Variants in PTPRO observed in about 807,000 individuals in gnomAD.
The protein encoded by PTPRO is protein tyrosine phosphatase receptor type O, also known as receptor-type tyrosine-protein phosphatase O.
In PTPRO, 62 loss-of-function variants were observed where a neutral mutation model predicts 145.2. That is an observed-to-expected ratio of 0.43 (90% CI 0.35 to 0.53). The LOEUF is 0.53. PTPRO is among the 20% of genes least tolerant of loss of function. PTPRO has a pLI of 0.01. For synonymous variants in PTPRO, 565 were observed against 514.7 expected (o/e 1.10, Z -1.32); for missense variants, 1,345 against 1,482.7 (o/e 0.91, Z 1.53).
chr12:15,455,513 T>C (rs544682437), intron 1 of PTPRO, among the ~76,000 whole-genome samples: 11 of 152,314 alleles, frequency 7.2e-5, no homozygotes, highest in African/African-American at 2.4e-4. Context: ...CAATTGTTTG[T>C]GTCTTTTTCT....
intron 15 of PTPRO, among the ~76,000 whole-genome samples, chr12:15,557,041 T>C (rs1009021899): frequency 2.4e-4 from 36 of 151,538 alleles, no homozygotes; most frequent in African/African-American, 8.4e-4. Flanking sequence ...TGTTTTTTTT[T>C]TTTTTCTTTT....
chr12:15,378,195 A>G (rs1938744361), intron 1 of PTPRO, among the ~76,000 whole-genome samples: 1 of 152,026 alleles, frequency 6.6e-6, no homozygotes, highest in African/African-American at 2.4e-5. Context: ...AGAAAAATCA[A>G]AGAAACCAAA....
chr12:15,447,064 A>G lies in PTPRO; in HGVS notation c.76-36910A>G, dbSNP rs560431005. 1.7e-4 allele frequency among the ~76,000 whole-genome samples: 26 copies of G among 152,284 alleles called. No individual in the cohort carries two copies. The South Asian group carries it at 5.2e-3, about 30-fold the overall frequency. On this transcript the variant is annotated intron_variant, in intron 1 of 26. Transcript: ENST00000281171. ...TGGTGTTTTGCTTACAGAAGCCTAC[A>G]TTCAGCATATGAATCATCTAGCCCT...
At chr12:15,419,450 T>A (rs1023153666) in intron 1 of PTPRO, among the ~76,000 whole-genome samples, 43 of 151,428 alleles carry the variant, frequency 2.8e-4, no homozygotes, top group Non-Finnish European at 3.2e-4. Flanking sequence ...GGGAAAAAAA[T>A]TTCATTACGC....
intron 2 of PTPRO, among the ~76,000 whole-genome samples, chr12:15,486,604 A>G (rs955470051): frequency 6.6e-6 from 1 of 152,138 alleles, no homozygotes; most frequent in African/African-American, 2.4e-5. Context: ...TGCTTTTTAA[A>G]AAGGTGAAAT....
At chr12:15,441,238 T>A (rs61908022) in intron 1 of PTPRO, among the ~76,000 whole-genome samples, 1,834 of 152,246 alleles carry the variant, frequency 0.012, 13 homozygotes, top group African/African-American at 0.028. Flanking sequence ...AAGTAAATAA[T>A]TTGATCCTGA....
intron 1 of PTPRO, among the ~76,000 whole-genome samples, chr12:15,448,338 G>GAAAAAAAAAA (rs1565635275): frequency 5.2e-4 from 2 of 3,862 alleles, no homozygotes; most frequent in Non-Finnish European, 3.6e-3. Flanking sequence ...CCTGTTCCTA[G>GAAAAAAAAAA]TAAAAAAAAA....
intron 1 of PTPRO, among the ~76,000 whole-genome samples, chr12:15,473,503 T>C (rs560248699): frequency 1.3e-5 from 2 of 152,284 alleles, no homozygotes; most frequent in Admixed American, 6.5e-5. Flanking sequence ...GAGTGGCTCA[T>C]GCCTGTAATC....
chr12:15,587,574 C>T (rs530971940), intron 24 of PTPRO, among the ~76,000 whole-genome samples: 1 of 152,146 alleles, frequency 6.6e-6, no homozygotes, highest in African/African-American at 2.4e-5. Flanking sequence ...GATTCCTCTT[C>T]GGGATTGTCT....
chr12:15,524,735 A>G, intron 10 of PTPRO, 79 bp from the exon 11 acceptor site: 2 of 1,462,540 alleles, frequency 1.4e-6, no homozygotes, highest in Admixed American at 1.7e-5. Flanking sequence ...TTGACTCTAT[A>G]TGGGATTTCA....
chr12:15,587,134 T>C, intron 24 of PTPRO, 83 bp downstream of exon 24: 3 of 1,468,362 alleles, frequency 2.0e-6, no homozygotes, highest in South Asian at 2.4e-5. Flanking sequence ...TAAGCCCTTA[T>C]CAGGTTTAGT....
intron 1 of PTPRO, among the ~76,000 whole-genome samples, chr12:15,394,511 G>T (rs1939282630): frequency 6.6e-6 from 1 of 152,054 alleles, no homozygotes; most frequent in South Asian, 2.1e-4. Context: ...AGAGTTCATT[G>T]TCATATGCCC....
At chr12:15,446,652 T>C (rs568305962) in intron 1 of PTPRO, among the ~76,000 whole-genome samples, 1 of 151,852 alleles carries the variant, frequency 6.6e-6, no homozygotes, top group South Asian at 2.1e-4. Context: ...TTTTAACATA[T>C]AGTAAGCAAG....
Position 15,402,716 on chromosome 12 carries a change from T to C in PTPRO, c.75+79915T>C, listed in dbSNP as rs558403647. 9.2e-5 allele frequency among the ~76,000 whole-genome samples: 14 copies of C among 152,320 alleles called. No individual in the cohort carries two copies. In the South Asian group the frequency reaches 2.9e-3, roughly 32 times the overall value. ...TGTTGTCATTTGCCTTTATGTTTGT[T>C]ATTTCACTGACACCAAGCAGTACTA... is the stretch of plus-strand genomic sequence containing the variant. On this transcript the variant is annotated intron_variant, in intron 1 of 26. Transcript: ENST00000281171.
chr12:15,388,379 C>T (rs1451664602), intron 1 of PTPRO, among the ~76,000 whole-genome samples: 1 of 152,110 alleles, frequency 6.6e-6, no homozygotes, highest in Non-Finnish European at 1.5e-5. Flanking sequence ...CTGTACAATT[C>T]TGTTTTTTTA....
At chr12:15,533,208 T>C (rs1026167537) in intron 12 of PTPRO, among the ~76,000 whole-genome samples, 9 of 152,212 alleles carry the variant, frequency 5.9e-5, no homozygotes, top group African/African-American at 2.2e-4. Flanking sequence ...AAAATTTATT[T>C]AAACTTTACA....
intron 1 of PTPRO, among the ~76,000 whole-genome samples, chr12:15,330,433 A>G (rs1866575504): frequency 6.6e-6 from 1 of 152,120 alleles, no homozygotes. Flanking sequence ...TACTCTCGAG[A>G]TCAACTGTGC....
chr12:15,391,256 CA>C (rs1939182769), intron 1 of PTPRO, among the ~76,000 whole-genome samples: 1 of 152,192 alleles, frequency 6.6e-6, no homozygotes. Context: ...TCATTTAAGT[CA>C]CAATCTCTGA....
intron 1 of PTPRO, among the ~76,000 whole-genome samples, chr12:15,467,746 ATTC>A (rs1017449821): frequency 2.0e-5 from 3 of 152,132 alleles, no homozygotes; most frequent in Admixed American, 1.3e-4. Context: ...ATTCTTATAA[ATTC>A]TTCTTCCCTC....
Sources: gnomAD v4.1 joint callset for allele counts (sites outside exome capture counted in the v4.1 genomes callset) on GRCh38, gnomAD v4.1.1 for gene constraint, MANE v1.5 for transcripts, NCBI Gene and HGNC (gene_info 2026-07-23, HGNC 2026-07-21) for gene names.